Variants in PHF20 observed in about 807,000 individuals in gnomAD.
The protein encoded by PHF20 is PHD finger protein 20.
Under a neutral mutation model 113.5 loss-of-function variants are expected in PHF20, and 23 were observed. The observed-to-expected ratio is 0.20, with a 90% CI of 0.15 to 0.29. PHF20 has a LOEUF of 0.29. PHF20 is among the 10% of genes least tolerant of loss of function. The pLI is 1.00. For synonymous variants in PHF20, 434 were observed against 457.3 expected (o/e 0.95, Z 0.65); for missense variants, 943 against 1,219.6 (o/e 0.77, Z 3.38).
chr20:35,876,095 G>A lies in PHF20; in HGVS notation c.1282+4266G>A, dbSNP rs535095655. ...AGGTCTCACAGTAGCCTTTCTAAGG[G>A]AATAATTTTGAAACCATTGCAACTG... On this transcript the variant is annotated intron_variant, in intron 9 of 17. Transcript: ENST00000374012. Among the ~76,000 whole-genome samples, 552 of 152,254 alleles carry A rather than the reference G, an allele frequency of 3.6e-3. 3 individuals carry two copies. Among genetic ancestry groups the A allele is most frequent in the Non-Finnish European group, 5.9e-3 (402 of 68,028 alleles).
intron 9 of PHF20, among the ~76,000 whole-genome samples, chr20:35,895,314 G>A (rs6121082): frequency 0.011 from 1,711 of 151,948 alleles, 23 homozygotes; most frequent in African/African-American, 0.038. Context: ...GTGAGCCACC[G>A]TGCCCCGCTA....
chr20:35,867,789 A>G (rs772294200), intron 6 of PHF20, among the ~76,000 whole-genome samples: 17 of 151,380 alleles, frequency 1.1e-4, no homozygotes, highest in Admixed American at 3.3e-4. Context: ...CCCTCTTCTC[A>G]TCTTTCTCCC....
chr20:35,931,882 C>T (rs868125847), intron 15 of PHF20, among the ~76,000 whole-genome samples: 1 of 151,214 alleles, frequency 6.6e-6, no homozygotes, highest in Non-Finnish European at 1.5e-5. Flanking sequence ...ACCCGGGAGG[C>T]GGAGGTTGTG....
At chr20:35,915,262 A>G (rs2055382476) in intron 12 of PHF20, among the ~76,000 whole-genome samples, 1 of 150,464 alleles carries the variant, frequency 6.6e-6, no homozygotes, top group Non-Finnish European at 1.5e-5. Flanking sequence ...GTGCAGGTGA[A>G]TGATGGTATT....
chr20:35,796,379 T>C (rs770363374), intron 1 of PHF20, among the ~76,000 whole-genome samples: 70 of 152,320 alleles, frequency 4.6e-4, no homozygotes, highest in Admixed American at 1.1e-3. Context: ...CAGAATCTTA[T>C]GTAAAGAGCT....
At chr20:35,801,753 A>T in intron 2 of PHF20, 148 bp downstream of exon 2, 2 of 583,630 alleles carry the variant, frequency 3.4e-6, no homozygotes, top group South Asian at 4.1e-5. Flanking sequence ...TTTCTCTTTG[A>T]TGCAGGGATC....
intron 2 of PHF20, among the ~76,000 whole-genome samples, chr20:35,805,252 G>T (rs1377126270): frequency 6.6e-6 from 1 of 151,918 alleles, no homozygotes; most frequent in East Asian, 1.9e-4. Flanking sequence ...AGGTTGGAGT[G>T]CAGTGGTGGG....
chr20:35,808,610 G>A (rs1429278853), intron 2 of PHF20, among the ~76,000 whole-genome samples: 5 of 151,740 alleles, frequency 3.3e-5, no homozygotes, highest in South Asian at 2.1e-4. Flanking sequence ...GTCTCGCCCT[G>A]TCTCCCAGGC....
At chr20:35,899,080 C>A (rs374139018) in intron 9 of PHF20, among the ~76,000 whole-genome samples, 3 of 150,818 alleles carry the variant, frequency 2.0e-5, no homozygotes, top group East Asian at 1.9e-4. Context: ...TTATTTTTAT[C>A]TTTTTAAGGA....
intron 2 of PHF20, among the ~76,000 whole-genome samples, chr20:35,819,051 C>T (rs537759031): frequency 6.6e-5 from 10 of 152,164 alleles, no homozygotes; most frequent in East Asian, 3.9e-4. Context: ...CTGCTTCAGC[C>T]TCCTGTGTAG....
At chr20:35,847,808 A>G (rs1218086550) in intron 4 of PHF20, among the ~76,000 whole-genome samples, 1 of 152,202 alleles carries the variant, frequency 6.6e-6, no homozygotes, top group Non-Finnish European at 1.5e-5. Flanking sequence ...ACTTTAAAAA[A>G]TGTGCTTTCT....
At chr20:35,878,351 G>A in intron 9 of PHF20, 1 of 361,826 alleles carries the variant, frequency 2.8e-6, no homozygotes, top group Non-Finnish European at 4.9e-6. Flanking sequence ...AGAATAGAGA[G>A]AAGAATGACA....
At chr20:35,827,946 A>G (rs1167172756) in intron 2 of PHF20, among the ~76,000 whole-genome samples, 1 of 152,166 alleles carries the variant, frequency 6.6e-6, no homozygotes, top group Non-Finnish European at 1.5e-5. Flanking sequence ...TCTTCATGGC[A>G]TGATCAAGTG....
At chr20:35,934,793 C>T (rs2055833746) in intron 15 of PHF20, among the ~76,000 whole-genome samples, 3 of 152,152 alleles carry the variant, frequency 2.0e-5, no homozygotes, top group Admixed American at 1.3e-4. Context: ...GTTGCTGTGG[C>T]AGAATCTGTT....
At chr20:35,882,424 T>C (rs1195324596) in intron 9 of PHF20, among the ~76,000 whole-genome samples, 6 of 152,214 alleles carry the variant, frequency 3.9e-5, no homozygotes, top group Non-Finnish European at 8.8e-5. Flanking sequence ...TATTTATTTA[T>C]GTATTCATTC....
chr20:35,947,522 G>A lies in PHF20; in HGVS notation c.2934G>A (p.Glu978=), dbSNP rs1371531251. 1 of 1,614,042 alleles carries A rather than the reference G, an allele frequency of 6.2e-7. No individual in the cohort carries two copies. The highest frequency in any genetic ancestry group is 1.1e-5 in the South Asian group (1 of 91,078). Residue 978 remains glutamate (E), a synonymous_variant, in exon 18 of 18, where the codon GAG becomes GAA. Coordinates refer to ENST00000374012, the MANE Select transcript of PHF20 (RefSeq NM_016436.5). ...GGCTGGACTACACTGGGGAACTGGA[G>A]CCCCCTGAGCCGCTGGCCAGGCTTC... ...ESWLDYTGEL[E]PPEPLARLPQ...
chr20:35,924,259 A>G (rs183444422), intron 13 of PHF20, among the ~76,000 whole-genome samples: 18 of 132,130 alleles, frequency 1.4e-4, no homozygotes, highest in Admixed American at 1.3e-3. Context: ...CAATGGTGTG[A>G]TCTCGGCTCA....
At chr20:35,873,561 C>T (rs887427628) in intron 9 of PHF20, among the ~76,000 whole-genome samples, 6 of 150,270 alleles carry the variant, frequency 4.0e-5, no homozygotes, top group Non-Finnish European at 8.9e-5. Flanking sequence ...GTCTGCCTCC[C>T]GGGTTGAAGC....
chr20:35,891,950 A>C (rs1272438929), intron 9 of PHF20, among the ~76,000 whole-genome samples: 2 of 151,582 alleles, frequency 1.3e-5, no homozygotes, highest in Non-Finnish European at 2.9e-5. Flanking sequence ...GCTCACTGCA[A>C]CCTCCGCCTA....
Sources: allele counts gnomAD v4.1 joint callset (sites outside exome capture counted in the v4.1 genomes callset), GRCh38; gene constraint gnomAD v4.1.1; transcripts MANE v1.5; gene names NCBI Gene and HGNC (gene_info 2026-07-23, HGNC 2026-07-21).